ADAM9: variants seen among roughly 807,000 people sequenced by gnomAD.
The protein encoded by ADAM9 is ADAM metallopeptidase domain 9, also known as disintegrin and metalloproteinase domain-containing protein 9.
In ADAM9, 54 loss-of-function variants were observed where a neutral mutation model predicts 108.1. The ratio of observed to expected loss-of-function variants is 0.50; its 90% CI spans 0.40 to 0.63. The LOEUF is 0.63. Among genes scored for constraint, ADAM9 ranks in the 20% least tolerant of loss-of-function variants. ADAM9 has a pLI of 0.00. For missense variants in ADAM9, 830 were observed against 997.7 expected, an observed-to-expected ratio of 0.83 and a Z score of 2.26; for synonymous variants, 316 against 336.0, an observed-to-expected ratio of 0.94 and a Z score of 0.65.
At chr8:39,072,729 A>G (rs763980353) in intron 15 of ADAM9, among the ~76,000 whole-genome samples, 1 of 152,160 alleles carries the variant, frequency 6.6e-6, no homozygotes, top group Non-Finnish European at 1.5e-5. Context: ...TGGTTTCCTT[A>G]CAGAAGACTT....
intron 4 of ADAM9, 143 bp from the exon 5 acceptor site, chr8:39,015,975 A>G (rs980587960): frequency 1.4e-6 from 1 of 732,230 alleles, no homozygotes; most frequent in African/African-American, 1.8e-5. Context: ...GCCATGTGAT[A>G]CTGTGAGATG....
chr8:39,085,993 G>T (rs1839169195), intron 18 of ADAM9, among the ~76,000 whole-genome samples: 1 of 149,148 alleles, frequency 6.7e-6, no homozygotes, highest in Non-Finnish European at 1.5e-5. Flanking sequence ...TTTTATTTTT[G>T]TTTTTTTTTC....
chr8:39,099,184 G>T (rs1839605480), intron 20 of ADAM9, among the ~76,000 whole-genome samples: 1 of 152,132 alleles, frequency 6.6e-6, no homozygotes, highest in Non-Finnish European at 1.5e-5. Context: ...ATAGGGCCTT[G>T]TATTCACCAT....
At chr8:39,014,272 AAAAT>A (rs1477309319) in intron 4 of ADAM9, 6 of 568,158 alleles carry the variant, frequency 1.1e-5, no homozygotes, top group African/African-American at 9.4e-5. Flanking sequence ...AAAGACTAGG[AAAAT>A]AAATCTTCTA....
chr8:39,100,997 T>C (rs1839677898), intron 20 of ADAM9, among the ~76,000 whole-genome samples: 1 of 152,246 alleles, frequency 6.6e-6, no homozygotes, highest in Non-Finnish European at 1.5e-5. Context: ...CCGAGGATTC[T>C]AGCTGAGTGG....
chr8:39,012,848 T>C (rs1253529483), intron 3 of ADAM9, among the ~76,000 whole-genome samples: 2 of 151,946 alleles, frequency 1.3e-5, no homozygotes, highest in Non-Finnish European at 2.9e-5. Context: ...CTAATGTAAA[T>C]GATGAGTTAA....
At chr8:39,083,213 G>T in intron 18 of ADAM9, 140 bp downstream of exon 18, 1 of 705,122 alleles carries the variant, frequency 1.4e-6, no homozygotes, top group South Asian at 1.7e-5. Flanking sequence ...CCTTGTGACT[G>T]TTTCCATTTT....
rs1366083006 is a variant in ADAM9 at position 39,055,724 on chromosome 8, G to A, written c.1543G>A (p.Gly515Ser). The change falls in exon 14 of 22, where the codon GGC becomes AGC. Residue 515 changes from glycine to serine, a missense_variant. Coordinates refer to ENST00000487273, the MANE Select transcript of ADAM9 (RefSeq NM_003816.3). ...GAATAACAAAGCCTATTGCTACAAC[G>A]GCATGTGCCAGTATTATGATGCTCA... ...CQNNKAYCYN[G>S]MCQYYDAQCQ... 5 of 1,613,568 alleles carry A rather than the reference G, an allele frequency of 3.1e-6. No homozygotes were observed. Among genetic ancestry groups the A allele is most frequent in the South Asian group, 1.1e-5 (1 of 91,052 alleles).
At position 39,018,903 on chromosome 8, in the gene ADAM9, C is replaced by A; in HGVS notation, c.657C>A (p.Val219=). 6.2e-7 allele frequency: 1 copy of A among 1,613,788 alleles called. No individual in the cohort carries two copies. The highest frequency in any genetic ancestry group is 8.5e-7 in the Non-Finnish European group (1 of 1,179,908). The change falls in exon 7 of 22, where the codon GTC becomes GTA. Residue 219 remains valine, a synonymous_variant. Coordinates refer to ENST00000487273, the MANE Select transcript of ADAM9 (RefSeq NM_003816.3). ...CCCGGTATGTGGAGCTGTTCATTGT[C>A]GTAGACAAGGAAAGGGTAAGATTGG... ...PQTRYVELFI[V]VDKERYDMMG...
At chr8:39,032,393 C>G (rs965062390) in intron 11 of ADAM9, among the ~76,000 whole-genome samples, 5 of 152,272 alleles carry the variant, frequency 3.3e-5, no homozygotes, top group African/African-American at 9.6e-5. Context: ...CGCCCCTCCC[C>G]CTGCCAGGCT....
At chr8:39,047,896 T>A (rs1339649230) in intron 12 of ADAM9, among the ~76,000 whole-genome samples, 1 of 151,948 alleles carries the variant, frequency 6.6e-6, no homozygotes, top group Non-Finnish European at 1.5e-5. Flanking sequence ...TTTTTTTTTT[T>A]AATATAGGTT....
At chr8:39,041,121 C>T (rs1408866799) in intron 11 of ADAM9, among the ~76,000 whole-genome samples, 2 of 152,056 alleles carry the variant, frequency 1.3e-5, no homozygotes, top group African/African-American at 4.8e-5. Flanking sequence ...ACATGGATTC[C>T]TCAAAGATAT....
At chr8:39,006,259 A>G (rs1017949440) in intron 1 of ADAM9, among the ~76,000 whole-genome samples, 2 of 152,222 alleles carry the variant, frequency 1.3e-5, no homozygotes, top group African/African-American at 4.8e-5. Context: ...TTACAGAAAT[A>G]TAAGGGATTG....
chr8:39,067,459 GTCCTTCACA>G (rs1838520844), intron 14 of ADAM9, among the ~76,000 whole-genome samples: 1 of 152,104 alleles, frequency 6.6e-6, no homozygotes, highest in Non-Finnish European at 1.5e-5. Context: ...CCTTGAAGAG[GTCCTTCACA>G]TCCCTTGTAA....
chr8:39,037,772 A>G (rs1411966647), intron 11 of ADAM9, among the ~76,000 whole-genome samples: 1 of 152,188 alleles, frequency 6.6e-6, no homozygotes, highest in Non-Finnish European at 1.5e-5. Context: ...ATAAAGATCA[A>G]CAGTACAAAA....
chr8:39,063,275 G>T (rs966349363), intron 14 of ADAM9, among the ~76,000 whole-genome samples: 2 of 152,144 alleles, frequency 1.3e-5, no homozygotes, highest in Non-Finnish European at 2.9e-5. Flanking sequence ...CTAGTTATAG[G>T]TTTAGAACCA....
chr8:39,016,192 C>T lies in ADAM9; in HGVS notation c.408C>T (p.Leu136=), dbSNP rs765025969. 3 of 1,612,676 alleles carry T rather than the reference C, an allele frequency of 1.9e-6. No homozygotes were observed. Among genetic ancestry groups the T allele is most frequent in the Non-Finnish European group, 1.7e-6 (2 of 1,178,818 alleles). ...TTGCTCTTAGCGACTGTTTTGGACT[C>T]AGGTAAGCAATTTCCTTTATCTTCT... ...SSIALSDCFG[L]RGLLHLENAS... Residue 136 remains leucine, a splice_region_variant and synonymous_variant, in exon 5 of 22, where the codon CTC becomes CTT. Transcript: ENST00000487273.
At chr8:39,013,178 A>G (rs7834967) in intron 3 of ADAM9, among the ~76,000 whole-genome samples, 64,557 of 151,978 alleles carry the variant, frequency 0.42, 14,542 homozygotes, top group East Asian at 0.73. Context: ...GGAAATCAGG[A>G]ATAATTGTTT....
chr8:39,022,844 G>C (rs1361775412), intron 8 of ADAM9, among the ~76,000 whole-genome samples: 1 of 152,006 alleles, frequency 6.6e-6, no homozygotes. Flanking sequence ...CTCCCAAGTA[G>C]CTGGGTTTAC....
Sources: allele counts gnomAD v4.1 joint callset (sites outside exome capture counted in the v4.1 genomes callset), GRCh38; gene constraint gnomAD v4.1.1; transcripts MANE v1.5; gene names NCBI Gene and HGNC (gene_info 2026-07-23, HGNC 2026-07-21).